Variants in ZNF350 observed in about 807,000 individuals in gnomAD.
ZNF350 encodes the protein zinc finger protein 350, also known as KRAB zinc finger protein ZFQR.
In ZNF350, 5 loss-of-function variants were observed where a neutral mutation model predicts 13.1. The ratio of observed to expected loss-of-function variants is 0.38; its 90% CI spans 0.20 to 0.80. The LOEUF (loss-of-function observed/expected upper bound fraction) is 0.80. Among genes scored for constraint, ZNF350 ranks in the 30% least tolerant of loss-of-function variants. The pLI, the probability that ZNF350 is intolerant of heterozygous loss-of-function variation, is 0.43. For missense variants in ZNF350, 534 were observed against 644.2 expected, an observed-to-expected ratio of 0.83 and a Z score of 1.85; for synonymous variants, 199 against 224.2, an observed-to-expected ratio of 0.89 and a Z score of 1.00.
chr19:51,982,238 CAATTGTT>C (rs2122959398), intron 1 of ZNF350, among the ~76,000 whole-genome samples: 1 of 152,274 alleles, frequency 6.6e-6, no homozygotes, highest in Non-Finnish European at 1.5e-5. Flanking sequence ...AATGTACAGC[CAATTGTT>C]AATTGATATT....
At chr19:51,968,132 C>T (rs918447071) in intron 4 of ZNF350, among the ~76,000 whole-genome samples, 2 of 152,104 alleles carry the variant, frequency 1.3e-5, no homozygotes, top group Admixed American at 6.5e-5. Context: ...CCAGTTTACC[C>T]TGAGGAAGCC....
intron 1 of ZNF350, chr19:51,984,191 A>T (rs1200059690): frequency 6.6e-6 from 1 of 152,106 alleles, no homozygotes; most frequent in Non-Finnish European, 1.5e-5. Flanking sequence ...AATTAAAAAA[A>T]AAAAAAAAAA....
chr19:51,979,269 T>C (rs2085974887), intron 1 of ZNF350, among the ~76,000 whole-genome samples: 1 of 152,102 alleles, frequency 6.6e-6, no homozygotes, highest in African/African-American at 2.4e-5. Context: ...TCCTGTGCAC[T>C]ACGTTTTCCC....
At chr19:51,968,343 G>T in intron 4 of ZNF350, 1 of 523,176 alleles carries the variant, frequency 1.9e-6, no homozygotes, top group South Asian at 2.3e-5. Context: ...AATTATGCAG[G>T]CAAACAAACA....
intron 1 of ZNF350, among the ~76,000 whole-genome samples, chr19:51,979,316 A>G (rs1041109795): frequency 1.3e-5 from 2 of 152,072 alleles, no homozygotes; most frequent in African/African-American, 2.4e-5. Context: ...ATATGTTCCC[A>G]ATCCCCCAGC....
chr19:51,972,448 C>G (rs1055733310), intron 2 of ZNF350, among the ~76,000 whole-genome samples: 18 of 151,708 alleles, frequency 1.2e-4, no homozygotes, highest in Admixed American at 5.3e-4. Flanking sequence ...TCCTAACCCC[C>G]AATGGTGACA....
At chr19:51,972,402 T>C (rs555036186) in intron 2 of ZNF350, among the ~76,000 whole-genome samples, 1 of 149,008 alleles carries the variant, frequency 6.7e-6, no homozygotes, top group Non-Finnish European at 1.5e-5. Context: ...ACCTTTATGA[T>C]CTTTTATCAT....
chr19:51,965,959 A>G lies in ZNF350; in HGVS notation c.494T>C (p.Leu165Pro). 1 of 1,614,132 alleles carries G rather than the reference A, an allele frequency of 6.2e-7. No homozygotes were observed. Among genetic ancestry groups the G allele is most frequent in the Non-Finnish European group, 8.5e-7 (1 of 1,180,044 alleles). ...ATGAAGTCGTTCATGGTTAGCATGA[A>G]GAAAGGAGTCCCCATTTCCAGTAAA... The part of the protein sequence containing the change: ...VEFTGNGDSF[L>P]HANHERLHTA... The change falls in exon 5 of 5, where the codon CTT (leucine) becomes CCT (proline). Residue 165 changes from leucine (L) to proline (P), a missense_variant. Transcript: ENST00000243644.
chr19:51,964,870 A>G lies in ZNF350; in HGVS notation c.1583T>C (p.Val528Ala), dbSNP rs746446545. Reference protein sequence around the residue: ...PSVINYVLFYVTENP With the variant: ...PSVINYVLFYATENP Reference sequence around the variant, plus strand: ...GTTTTCTTCCTATGGGTTTTCTGTAACATAAAATAAGACATAATTGATCAC... The same window carrying G: ...GTTTTCTTCCTATGGGTTTTCTGTAGCATAAAATAAGACATAATTGATCAC... Residue 528 changes from valine to alanine, a missense_variant, in exon 5 of 5, where the codon GTT (valine) becomes GCT (alanine). By Grantham distance (64) the Val-to-Ala change is moderately conservative. Transcript: ENST00000243644. The G allele has an allele frequency of 4.4e-6, 7 of 1,607,426 alleles. No individual in the cohort carries two copies. The Admixed American group carries it at 8.4e-5, about 19-fold the overall frequency.
At position 51,970,041 on chromosome 19, in the gene ZNF350, T is replaced by C. The variant is rs539386889; in HGVS notation, c.16-910A>G. 4.8e-3 allele frequency among the ~76,000 whole-genome samples: 705 copies of C among 146,786 alleles called. 5 individuals are homozygous for C. Among genetic ancestry groups the C allele is most frequent in the Admixed American group, 9.4e-3 (139 of 14,750 alleles). Reference sequence around the variant, plus strand: ...CCAAGTAGCTAGGACTACAGGCATGTGACACTACGCCTGGCTAATTTTTTT... The same window carrying C: ...CCAAGTAGCTAGGACTACAGGCATGCGACACTACGCCTGGCTAATTTTTTT... On this transcript the variant is annotated intron_variant, in intron 2 of 4. Transcript: ENST00000243644.
At chr19:51,972,953 T>TTA (rs1173759533) in intron 2 of ZNF350, 1 of 150,472 alleles carries the variant, frequency 6.6e-6, no homozygotes, top group African/African-American at 2.5e-5. Context: ...GAAACTTTTT[T>TTA]TTTTTTTTTT....
chr19:51,969,085 T>G lies in ZNF350; in HGVS notation c.62A>C (p.Glu21Ala). The part of the protein sequence containing the change: ...EDVAVDFTWE[E>A]WQLLGAAQKD... ...CTGAGCAGCGCCCAGGAGTTGCCAC[T>G]CCTCCCAAGTGAAGTCCACAGCCAC... Residue 21 changes from glutamate (E) to alanine (A), a missense_variant, in exon 3 of 5, where the codon GAG becomes GCG. Coordinates refer to ENST00000243644, the MANE Select transcript of ZNF350 (RefSeq NM_021632.4). The G allele has an allele frequency of 6.2e-7, 1 of 1,614,072 alleles. No individual in the cohort carries two copies. Among genetic ancestry groups the G allele is most frequent in the Non-Finnish European group, 8.5e-7 (1 of 1,179,988 alleles).
At chr19:51,981,448 C>A (rs1323149043) in intron 1 of ZNF350, 1 of 152,168 alleles carries the variant, frequency 6.6e-6, no homozygotes, top group African/African-American at 2.4e-5. Context: ...CGGCCCGCCA[C>A]CGCGCCTGGC....
In ZNF350 at chr19:51,966,158, T is replaced by C. The variant is rs368232610; in HGVS notation, c.295A>G (p.Arg99Gly). 3.1e-6 allele frequency: 5 copies of C among 1,612,562 alleles called. No homozygotes were observed. In the African/African-American group the frequency reaches 6.7e-5, roughly 22 times the overall value. The change falls in exon 5 of 5, where the codon AGA (arginine) becomes GGA (glycine). Residue 99 changes from arginine (R) to glycine (G), a missense_variant. Physicochemically the swap from Arg to Gly is moderately radical, Grantham distance 125 (BLOSUM62 -2). Coordinates refer to ENST00000243644, the MANE Select transcript of ZNF350 (RefSeq NM_021632.4). Reference sequence around the variant, plus strand: ...TCATGTTCATGACATGGTTTCCTTCTGTTCACCAGGCTTTCACTCTGCAAG... The same window carrying C: ...TCATGTTCATGACATGGTTTCCTTCCGTTCACCAGGCTTTCACTCTGCAAG... The part of the protein sequence containing the change: ...ERLQSESLVN[R>G]RKPCHEHDAF...
In ZNF350 at chr19:51,965,690, T is replaced by G. The variant is rs143330706; in HGVS notation, c.763A>C (p.Thr255Pro). The G allele has an allele frequency of 1.9e-6, 3 of 1,614,078 alleles. No individual in the cohort carries two copies. In the African/African-American group the frequency reaches 4.0e-5, roughly 22 times the overall value. The change falls in exon 5 of 5, where the codon ACT (threonine) becomes CCT (proline). Residue 255 changes from threonine to proline, a missense_variant. By Grantham distance (38) the Thr-to-Pro change is conservative. Transcript: ENST00000243644. ...RKFMLTEHQR[T>P]HTGEKPYECP... is the part of the protein sequence containing the mutation. Reference sequence around the variant, plus strand: ...TCATAAGGTTTTTCTCCTGTATGAGTTCGCTGATGTTCAGTAAGCATGAAC... The same window carrying G: ...TCATAAGGTTTTTCTCCTGTATGAGGTCGCTGATGTTCAGTAAGCATGAAC...
rs1278372703 is a variant in ZNF350, at chr19:51,972,444, C to T, written c.15+1902G>A. Among the ~76,000 whole-genome samples, 2 of 146,194 alleles carry T rather than the reference C, an allele frequency of 1.4e-5. 1 individual carries two copies. The highest frequency in any genetic ancestry group is 4.3e-4 in the East Asian group (2 of 4,648). ...GATTAAATACTTGATTCTCTCCTAA[C>T]CCCCAATGGTGACAAATGCATTTTT... is the stretch of plus-strand genomic sequence containing the variant. On this transcript the variant is annotated intron_variant, in intron 2 of 4. Transcript: ENST00000243644.
At chr19:51,984,784 A>G (rs1268028774) in intron 1 of ZNF350, among the ~76,000 whole-genome samples, 1 of 152,196 alleles carries the variant, frequency 6.6e-6, no homozygotes, top group Non-Finnish European at 1.5e-5. Flanking sequence ...TATGCAAGAG[A>G]CCATATGTAG....
intron 1 of ZNF350, chr19:51,981,501 G>A (rs113204236): frequency 6.6e-6 from 1 of 152,088 alleles, no homozygotes; most frequent in Non-Finnish European, 1.5e-5. Context: ...CAGCATCTTG[G>A]TCAGGCTGGC....
rs139086051 is a variant in ZNF350, at chr19:51,968,620, G to A, written c.196C>T (p.Leu66=). ...ALFKLEQGEQ[L]WTIEDGIHSG... ...TGGATTCCATCTTCAATTGTCCACA[G>A]TTGTTCTCCTTGTTCCAACTTGAAG... The change falls in exon 4 of 5, where the codon CTG becomes TTG. Residue 66 remains leucine (L), a synonymous_variant. Transcript: ENST00000243644. The A allele has an allele frequency of 4.7e-5, 76 of 1,614,094 alleles. No individual in the cohort carries two copies. In the African/African-American group the frequency reaches 8.8e-4, roughly 19 times the overall value.
Sources: gnomAD v4.1 joint callset for allele counts (sites outside exome capture counted in the v4.1 genomes callset) on GRCh38, gnomAD v4.1.1 for gene constraint, MANE v1.5 for transcripts, NCBI Gene and HGNC (gene_info 2026-07-23, HGNC 2026-07-21) for gene names.